Variants in NPAS3 observed in about 807,000 individuals in gnomAD.
NPAS3 encodes neuronal PAS domain protein 3, also known as neuronal PAS domain-containing protein 3.
A neutral mutation model predicts 73.1 loss-of-function variants in NPAS3; 14 were observed. That is an observed-to-expected ratio of 0.19 (90% CI 0.13 to 0.30). The LOEUF (loss-of-function observed/expected upper bound fraction) is 0.30, where lower values mean the gene tolerates loss of function less well. Ranked by LOEUF, NPAS3 falls within the 10% of genes least tolerant of loss-of-function variation. The pLI is 1.00. For missense variants in NPAS3, 1,096 were observed against 1,250.0 expected, an observed-to-expected ratio of 0.88 and a Z score of 1.86; for synonymous variants, 620 against 541.5, an observed-to-expected ratio of 1.14 and a Z score of -2.01.
At chr14:33,590,893 A>G (rs930480442) in intron 5 of NPAS3, among the ~76,000 whole-genome samples, 1 of 152,194 alleles carries the variant, frequency 6.6e-6, no homozygotes, top group Non-Finnish European at 1.5e-5. Flanking sequence ...ACTATTGTCC[A>G]GGCACTGTAC....
rs900720720 is a variant in NPAS3, at chr14:32,972,908, G to A, written c.50+33542G>A. Among the ~76,000 whole-genome samples, 14 of 152,152 alleles carry A rather than the reference G, an allele frequency of 9.2e-5. No homozygotes were observed. The East Asian group carries it at 1.2e-3, about 13-fold the overall frequency. ...TCTCTCACACACACAATGGACAACCGCTACTGTACCTGAAATACTCAGCTC... is the reference window on the plus strand; with the variant it reads ...TCTCTCACACACACAATGGACAACCACTACTGTACCTGAAATACTCAGCTC... On this transcript the variant is annotated intron_variant, in intron 1 of 11. Coordinates refer to ENST00000356141, the Ensembl canonical transcript of NPAS3.
At chr14:33,197,923 G>C (rs372637094) in intron 2 of NPAS3, among the ~76,000 whole-genome samples, 19 of 152,198 alleles carry the variant, frequency 1.2e-4, no homozygotes, top group African/African-American at 4.1e-4. Context: ...GGTGTGTCCA[G>C]ACTTTGTTCC....
At chr14:33,650,120 A>G (rs1321340253) in intron 5 of NPAS3, among the ~76,000 whole-genome samples, 1 of 152,212 alleles carries the variant, frequency 6.6e-6, no homozygotes, top group Non-Finnish European at 1.5e-5. Context: ...TGCATTTTGT[A>G]CAGACACAGG....
At chr14:33,524,542 T>C (rs1300953991) in intron 4 of NPAS3, among the ~76,000 whole-genome samples, 1 of 152,180 alleles carries the variant, frequency 6.6e-6, no homozygotes, top group Admixed American at 6.5e-5. Flanking sequence ...GTCTACATGA[T>C]CTTAAAGCTT....
intron 4 of NPAS3, among the ~76,000 whole-genome samples, chr14:33,459,599 A>G (rs1000841183): frequency 1.3e-5 from 2 of 152,332 alleles, no homozygotes. Context: ...GTAGAAGAGG[A>G]ATATTAATTT....
chr14:33,626,241 G>A (rs2058215791), intron 5 of NPAS3, among the ~76,000 whole-genome samples: 1 of 152,138 alleles, frequency 6.6e-6, no homozygotes, highest in Non-Finnish European at 1.5e-5. Flanking sequence ...TTATTGTATT[G>A]AAGGTAATAT....
chr14:33,117,927 A>T (rs2043118266), intron 2 of NPAS3, among the ~76,000 whole-genome samples: 1 of 152,132 alleles, frequency 6.6e-6, no homozygotes, highest in Admixed American at 6.6e-5. Context: ...GCTTTAATTT[A>T]TTCTCTCACT....
At chr14:33,803,534 T>TAC (rs911889405), downstream of NPAS3, 4 of 152,208 alleles carry the variant, frequency 2.6e-5, no homozygotes, top group African/African-American at 9.6e-5. Context: ...TTGGAAGCTC[T>TAC]ACTCTAGCTA....
intron 5 of NPAS3, among the ~76,000 whole-genome samples, chr14:33,603,142 A>G (rs1257403022): frequency 6.6e-6 from 1 of 152,338 alleles, no homozygotes; most frequent in East Asian, 1.9e-4. Flanking sequence ...ACATGTTCAA[A>G]AAGTTCAATG....
At chr14:33,041,886 T>C (rs1203056711) in intron 1 of NPAS3, among the ~76,000 whole-genome samples, 1 of 152,122 alleles carries the variant, frequency 6.6e-6, no homozygotes, top group Non-Finnish European at 1.5e-5. Context: ...GTGAGGAGTC[T>C]GGTGTCTCAC....
intron 3 of NPAS3, among the ~76,000 whole-genome samples, chr14:33,352,869 CTT>C (rs2045137553): frequency 6.6e-6 from 1 of 152,094 alleles, no homozygotes; most frequent in African/African-American, 2.4e-5. Context: ...AAAATAGTGA[CTT>C]AACAGCAATG....
chr14:33,800,753 A>G lies in NPAS3; in HGVS notation c.2446A>G (p.Thr816Ala). 1 of 1,565,462 alleles carries G rather than the reference A, an allele frequency of 6.4e-7. No homozygotes were observed. Among genetic ancestry groups the G allele is most frequent in the South Asian group, 1.2e-5 (1 of 85,442 alleles). ...CAGGGTGACCGGGACCCTGGCCGCC[A>G]CCAGCACGGCCGCGCAGAGGGTCTA... is the stretch of plus-strand genomic sequence containing the variant. The change falls in exon 12 of 12, where the codon ACC (threonine) becomes GCC (alanine). Residue 816 changes from threonine to alanine, a missense_variant. Physicochemically the swap from Thr to Ala is moderately conservative, Grantham distance 58. Transcript: ENST00000356141. This position sits in a 1 kb window ranked among gnomAD's most constrained non-coding sequence, Gnocchi z 6.5.
At chr14:33,195,123 A>C (rs983441060) in intron 2 of NPAS3, among the ~76,000 whole-genome samples, 1 of 152,106 alleles carries the variant, frequency 6.6e-6, no homozygotes, top group African/African-American at 2.4e-5. Flanking sequence ...CCAGATGTTT[A>C]ACATTCTGTA....
intron 3 of NPAS3, among the ~76,000 whole-genome samples, chr14:33,260,168 A>T (rs149867401): frequency 6.6e-6 from 1 of 152,090 alleles, no homozygotes; most frequent in African/African-American, 2.4e-5. Context: ...CTCCCAAAGG[A>T]GTAACGTTAC....
At chr14:32,938,755 G>GGTGGCGGCGC (rs1204503576), upstream of NPAS3, among the ~76,000 whole-genome samples, 6 of 149,850 alleles carry the variant, frequency 4.0e-5, no homozygotes, top group Non-Finnish European at 8.9e-5. Context: ...GGCGGGGGCG[G>GGTGGCGGCGC]GTGGCGGCGC....
At chr14:33,769,601 A>G (rs989868848) in intron 7 of NPAS3, among the ~76,000 whole-genome samples, 2 of 152,104 alleles carry the variant, frequency 1.3e-5, no homozygotes, top group Non-Finnish European at 2.9e-5. Context: ...TGAACTCCTG[A>G]AGATCTTATT....
At chr14:33,606,158 G>C (rs538022912) in intron 5 of NPAS3, among the ~76,000 whole-genome samples, 13 of 151,616 alleles carry the variant, frequency 8.6e-5, no homozygotes, top group Admixed American at 8.5e-4. Context: ...TGCCATGCTG[G>C]TGTGCTGCAC....
intron 4 of NPAS3, among the ~76,000 whole-genome samples, chr14:33,520,877 C>T (rs1040125676): frequency 9.2e-5 from 14 of 152,096 alleles, no homozygotes; most frequent in African/African-American, 7.2e-5. Flanking sequence ...AATAAGCAAA[C>T]GCTGAATGCT....
chr14:33,511,113 T>A (rs1313846529), intron 4 of NPAS3, among the ~76,000 whole-genome samples: 2 of 152,080 alleles, frequency 1.3e-5, no homozygotes, highest in Non-Finnish European at 2.9e-5. Flanking sequence ...GAAGAAAGTT[T>A]TCAGCACAGC....
Sources: gnomAD v4.1 joint callset for allele counts (sites outside exome capture counted in the v4.1 genomes callset) on GRCh38, gnomAD v4.1.1 for gene constraint, Gnocchi (gnomAD v3.1) non-coding constraint, MANE v1.5 for transcripts, NCBI Gene and HGNC (gene_info 2026-07-23, HGNC 2026-07-21) for gene names.